MTA3: variants seen among roughly 807,000 people sequenced by gnomAD.
MTA3 encodes metastasis-associated protein MTA3.
A neutral mutation model predicts 83.5 loss-of-function variants in MTA3; 34 were observed. That is an observed-to-expected ratio of 0.41 (90% CI 0.31 to 0.54). MTA3 has a LOEUF of 0.54. MTA3 is among the 20% of genes least tolerant of loss of function. MTA3 has a pLI of 0.33. For synonymous variants in MTA3, 303 were observed against 252.7 expected, an observed-to-expected ratio of 1.20 and a Z score of -1.89; for missense variants, 761 against 726.4, an observed-to-expected ratio of 1.05 and a Z score of -0.55.
At chr2:42,584,157 A>G (rs1396895618) in intron 3 of MTA3, among the ~76,000 whole-genome samples, 3 of 152,104 alleles carry the variant, frequency 2.0e-5, no homozygotes, top group Non-Finnish European at 4.4e-5. Context: ...ACTCTTAAAA[A>G]AAACAAACTT....
chr2:42,534,914 C>A (rs570495080), intron 2 of MTA3, among the ~76,000 whole-genome samples: 2 of 152,200 alleles, frequency 1.3e-5, no homozygotes, highest in South Asian at 4.1e-4. Flanking sequence ...TGAGCCACTG[C>A]ACCTGGCCTG....
chr2:42,711,393 T>A (rs957517521), intron 14 of MTA3, among the ~76,000 whole-genome samples: 5 of 152,256 alleles, frequency 3.3e-5, no homozygotes, highest in African/African-American at 1.2e-4. Flanking sequence ...ACCTGTATTT[T>A]ATTTCTATAA....
chr2:42,612,636 G>T (rs1442673338), intron 4 of MTA3, among the ~76,000 whole-genome samples: 4 of 152,132 alleles, frequency 2.6e-5, no homozygotes, highest in Non-Finnish European at 4.4e-5. Flanking sequence ...CAAGGCAGGT[G>T]GATCCCTTTA....
At chr2:42,682,745 C>G (rs1692039040) in intron 9 of MTA3, 156 bp downstream of exon 9, 1 of 691,008 alleles carries the variant, frequency 1.4e-6, no homozygotes, top group African/African-American at 1.8e-5. Context: ...AAGGGAGAAA[C>G]TGATAATTGT....
intron 4 of MTA3, among the ~76,000 whole-genome samples, chr2:42,625,564 G>A (rs1326554228): frequency 1.3e-5 from 2 of 150,104 alleles, no homozygotes; most frequent in Non-Finnish European, 3.0e-5. Context: ...GGCTAACACG[G>A]TGAAACCCCG....
At position 42,499,551 on chromosome 2, in the gene MTA3, G is replaced by A. The variant is rs541152652; in HGVS notation, c.-141+4297G>A. ...TCATGCCTGTAATCCCAGCACTTTC[G>A]GAGGCCGAGTCAGGCAGATCACGAG... On this transcript the variant is annotated intron_variant, in intron 2 of 17. Transcript: ENST00000405592. Among the ~76,000 whole-genome samples the A allele has an allele frequency of 5.9e-5, 9 of 151,414 alleles. No homozygotes were observed. In the East Asian group the frequency reaches 1.2e-3, roughly 20 times the overall value.
chr2:42,566,328 A>G (rs186351120), upstream of MTA3, among the ~76,000 whole-genome samples: 561 of 152,334 alleles, frequency 3.7e-3, 7 homozygotes, highest in African/African-American at 0.013. Context: ...AGGACATATA[A>G]AAGTTTCACA....
chr2:42,708,164 T>G (rs1666261004), intron 13 of MTA3, 110 bp downstream of exon 13: 1 of 1,148,984 alleles, frequency 8.7e-7, no homozygotes, highest in African/African-American at 1.6e-5. Flanking sequence ...AAAGCTACCT[T>G]TATAGCTAAA....
intron 4 of MTA3, among the ~76,000 whole-genome samples, chr2:42,616,234 T>G (rs1359113800): frequency 3.3e-5 from 5 of 152,124 alleles, no homozygotes; most frequent in African/African-American, 1.2e-4. Flanking sequence ...CTAATATTTT[T>G]GTATTTTTAG....
At chr2:42,621,124 T>A (rs1367650657) in intron 4 of MTA3, among the ~76,000 whole-genome samples, 5 of 115,136 alleles carry the variant, frequency 4.3e-5, no homozygotes, top group Non-Finnish European at 8.6e-5. Flanking sequence ...AATGTTACTC[T>A]TATTAGAGTT....
chr2:42,588,625 C>G (rs552788625), intron 3 of MTA3, among the ~76,000 whole-genome samples: 2 of 152,072 alleles, frequency 1.3e-5, no homozygotes, highest in East Asian at 3.9e-4. Flanking sequence ...TTCTGAGAAG[C>G]AAAGTAAAAA....
At chr2:42,626,709 GTTCCATTTTTCC>G (rs1163446384) in intron 4 of MTA3, among the ~76,000 whole-genome samples, 1 of 152,130 alleles carries the variant, frequency 6.6e-6, no homozygotes, top group Non-Finnish European at 1.5e-5. Flanking sequence ...GGATAGGTCA[GTTCCATTTTTCC>G]TAGTATTAGC....
chr2:42,714,771 C>G (rs1666905982), intron 14 of MTA3, among the ~76,000 whole-genome samples: 1 of 152,290 alleles, frequency 6.6e-6, no homozygotes, highest in South Asian at 2.1e-4. Context: ...CTCAGATCAT[C>G]AGGCATTAGT....
chr2:42,553,971 C>T (rs112410694), intron 2 of MTA3, among the ~76,000 whole-genome samples: 3 of 150,210 alleles, frequency 2.0e-5, no homozygotes, highest in East Asian at 2.0e-4. Context: ...TGGTGGCTCA[C>T]GCGTGTAATC....
chr2:42,722,384 T>G (rs962663173), intron 15 of MTA3, among the ~76,000 whole-genome samples: 5 of 152,216 alleles, frequency 3.3e-5, no homozygotes, highest in African/African-American at 1.2e-4. Context: ...TATATCAAAA[T>G]GTTCTAGGCT....
intron 15 of MTA3, among the ~76,000 whole-genome samples, chr2:42,721,840 G>A (rs1667433860): frequency 6.6e-6 from 1 of 152,138 alleles, no homozygotes; most frequent in African/African-American, 2.4e-5. Flanking sequence ...ATGGAGCATA[G>A]ACTGTGGAGG....
intron 2 of MTA3, among the ~76,000 whole-genome samples, chr2:42,529,767 A>T (rs967095482): frequency 1.3e-5 from 2 of 152,232 alleles, no homozygotes; most frequent in African/African-American, 4.8e-5. Context: ...TGCTGGGCAC[A>T]GAATGGTGTA....
intron 8 of MTA3, among the ~76,000 whole-genome samples, chr2:42,674,932 G>A (rs1161548272): frequency 6.7e-6 from 1 of 150,274 alleles, no homozygotes; most frequent in African/African-American, 2.4e-5. Context: ...TTTTAATATA[G>A]GCACTCAACA....
At chr2:42,546,403 T>G (rs1489009116) in intron 2 of MTA3, among the ~76,000 whole-genome samples, 1 of 152,174 alleles carries the variant, frequency 6.6e-6, no homozygotes, top group East Asian at 1.9e-4. Flanking sequence ...TTTCTGACCC[T>G]GAGTGTCCCT....
Sources: allele counts gnomAD v4.1 joint callset (sites outside exome capture counted in the v4.1 genomes callset), GRCh38; gene constraint gnomAD v4.1.1; transcripts MANE v1.5; gene names NCBI Gene and HGNC (gene_info 2026-07-23, HGNC 2026-07-21).